The following GNB1 variants were observed in gnomAD, a reference collection of about 807,000 sequenced individuals.
GNB1 encodes G protein subunit beta 1, also known as guanine nucleotide-binding protein G(I)/G(S)/G(T) subunit beta-1.
GNB1 carries 2 observed loss-of-function variants against 42.9 expected under a neutral mutation model. That is an observed-to-expected ratio of 0.05 (90% CI 0.02 to 0.15). The LOEUF is 0.15. GNB1 is among the 10% of genes least tolerant of loss of function. The probability of loss-of-function intolerance (pLI) is 1.00; values close to 1 mark genes in which losing one functional copy is unlikely to be tolerated. For synonymous variants in GNB1, 183 were observed against 174.7 expected (o/e 1.05, Z -0.38); for missense variants, 193 against 462.2 (o/e 0.42, Z 5.34).
chr1:1,801,112 C>A (rs993148952), intron 7 of GNB1, among the ~76,000 whole-genome samples: 8 of 152,240 alleles, frequency 5.3e-5, no homozygotes, highest in Non-Finnish European at 8.8e-5. Flanking sequence ...CTCACTGCAA[C>A]CTCCGCTTCA....
At chr1:1,853,302 G>A (rs1557929554) in intron 1 of GNB1, among the ~76,000 whole-genome samples, 1 of 152,020 alleles carries the variant, frequency 6.6e-6, no homozygotes. Flanking sequence ...CTCCTCCTAC[G>A]GAAAAAATCA....
At chr1:1,818,020 C>T (rs1395759766) in intron 3 of GNB1, 145 bp from the exon 4 acceptor site, 4 of 640,378 alleles carry the variant, frequency 6.2e-6, no homozygotes, top group African/African-American at 1.8e-5. Context: ...CTCCTTGCAT[C>T]TCAACACCCC....
chr1:1,860,712 CAA>C (rs888879848), intron 1 of GNB1, among the ~76,000 whole-genome samples: 1 of 150,076 alleles, frequency 6.7e-6, no homozygotes, highest in African/African-American at 2.5e-5. Flanking sequence ...GACTCTGTCT[CAA>C]AAAAAAAGAG....
chr1:1,888,564 G>T (rs1191164965), intron 1 of GNB1, among the ~76,000 whole-genome samples: 1 of 152,096 alleles, frequency 6.6e-6, no homozygotes. Context: ...CCGGCTGGGC[G>T]CGGTGGCTCA....
intron 8 of GNB1, among the ~76,000 whole-genome samples, chr1:1,792,373 G>A (rs1435618965): frequency 6.6e-6 from 1 of 152,060 alleles, no homozygotes; most frequent in African/African-American, 2.4e-5. Flanking sequence ...AAAAAAAGAA[G>A]AGCAGGTACT....
chr1:1,790,699 G>T lies in GNB1; in HGVS notation c.498-103C>A. On this transcript the variant is annotated intron_variant, in intron 8 of 11. Coordinates refer to ENST00000378609, the MANE Select transcript of GNB1 (RefSeq NM_002074.5). The surrounding 1 kb of genome is among the most constrained non-coding windows in gnomAD (Gnocchi z 5.4). ...TTCAAACCACCCAGGGCCACAGTGA[G>T]CCTCTGCACTGTTACTTTAAAAACG... The T allele has an allele frequency of 1.4e-6, 1 of 700,200 alleles. No individual in the cohort carries two copies. The highest frequency in any genetic ancestry group is 2.5e-6 in the Non-Finnish European group (1 of 392,506). 43.4% of individuals were successfully genotyped at this position (700,200 alleles called of 1,614,324 possible).
chr1:1,808,886 C>A lies in GNB1; in HGVS notation c.204-2348G>T, dbSNP rs180851298. On this transcript the variant is annotated intron_variant, in intron 5 of 11. Transcript: ENST00000378609. ...CTCCAACTCCTGGCCTCAAGTGATC[C>A]GCCCACCTTGGCCTCCCAAAGTGTT... is the stretch of plus-strand genomic sequence containing the variant. 8.0e-4 allele frequency among the ~76,000 whole-genome samples: 121 copies of A among 152,174 alleles called. 1 individual carries two copies. The highest frequency in any genetic ancestry group is 2.7e-3 in the African/African-American group (111 of 41,548).
chr1:1,858,285 T>C (rs1648415306), intron 1 of GNB1, among the ~76,000 whole-genome samples: 1 of 152,260 alleles, frequency 6.6e-6, no homozygotes, highest in African/African-American at 2.4e-5. Context: ...TTGTTTTCAG[T>C]TCATCTGTCG....
intron 1 of GNB1, among the ~76,000 whole-genome samples, chr1:1,850,903 A>G (rs1385002366): frequency 6.6e-6 from 1 of 152,174 alleles, no homozygotes; most frequent in African/African-American, 2.4e-5. Context: ...TCTAGTCTTC[A>G]GTTGGGTTTG....
chr1:1,862,440 C>G (rs1347090432), intron 1 of GNB1, among the ~76,000 whole-genome samples: 1 of 151,984 alleles, frequency 6.6e-6, no homozygotes, highest in Non-Finnish European at 1.5e-5. Context: ...AAGTCTATTA[C>G]CCGGTAGTGT....
chr1:1,820,566 T>A (rs1412275991), intron 3 of GNB1, among the ~76,000 whole-genome samples: 1 of 152,142 alleles, frequency 6.6e-6, no homozygotes, highest in Non-Finnish European at 1.5e-5. Context: ...GAAGTCTTTT[T>A]GTCAATGAAT....
intron 1 of GNB1, among the ~76,000 whole-genome samples, chr1:1,880,389 A>C (rs1396748542): frequency 6.6e-6 from 1 of 151,942 alleles, no homozygotes; most frequent in Non-Finnish European, 1.5e-5. Flanking sequence ...TCACGAGGTC[A>C]GGAGATCGAG....
intron 2 of GNB1, 60 bp from the exon 3 acceptor site, chr1:1,825,559 T>A (rs994589026): frequency 1.4e-5 from 13 of 921,212 alleles, no homozygotes; most frequent in Non-Finnish European, 2.2e-5. Flanking sequence ...ATGAAGCAGG[T>A]GAGAAAAGTA....
Position 1,862,301 on chromosome 1 carries a change from G to A in GNB1, c.-95-23063C>T, listed in dbSNP as rs140985910. Among the ~76,000 whole-genome samples, 12 of 152,254 alleles carry A rather than the reference G, an allele frequency of 7.9e-5. No individual in the cohort carries two copies. The East Asian group carries it at 2.1e-3, about 27-fold the overall frequency. ...TGTACCATGAATTGGAGGATGAAGA[G>A]CCACTAAGTAACTCCTGGGACCTCC... On this transcript the variant is annotated intron_variant, in intron 1 of 11. Coordinates refer to ENST00000378609, the MANE Select transcript of GNB1 (RefSeq NM_002074.5).
At chr1:1,823,894 T>C (rs1570672887) in intron 3 of GNB1, among the ~76,000 whole-genome samples, 2 of 152,288 alleles carry the variant, frequency 1.3e-5, no homozygotes, top group Non-Finnish European at 2.9e-5. Flanking sequence ...TGAGAAGGTG[T>C]CACTTTGTCA....
chr1:1,785,992 T>G lies in GNB1; in HGVS notation c.*1071A>C, dbSNP rs756651439. On this transcript the variant is annotated 3_prime_UTR_variant, in exon 12 of 12. Coordinates refer to ENST00000378609, the MANE Select transcript of GNB1 (RefSeq NM_002074.5). ...GAACACCTAAGGACTGAGTCCCATA[T>G]GCACTTTTGAGCATTTCTACAGCAT... The G allele has an allele frequency of 5.0e-6, 2 of 398,880 alleles. No individual in the cohort carries two copies. Among genetic ancestry groups the G allele is most frequent in the Non-Finnish European group, 4.4e-6 (1 of 226,054 alleles). 24.7% of individuals were successfully genotyped at this position (398,880 alleles called of 1,614,324 possible).
chr1:1,819,653 G>A (rs766411102), intron 3 of GNB1, among the ~76,000 whole-genome samples: 1 of 151,450 alleles, frequency 6.6e-6, no homozygotes, highest in Non-Finnish European at 1.5e-5. Context: ...ACCCTCCCAC[G>A]TCAGCCTCCT....
At chr1:1,813,748 C>T (rs1350770749) in intron 5 of GNB1, among the ~76,000 whole-genome samples, 1 of 152,194 alleles carries the variant, frequency 6.6e-6, no homozygotes, top group Non-Finnish European at 1.5e-5. Context: ...GCCTTGGCCT[C>T]CCAAAGTGCT....
intron 7 of GNB1, among the ~76,000 whole-genome samples, chr1:1,801,922 A>C (rs182536155): frequency 2.6e-5 from 4 of 152,340 alleles, no homozygotes; most frequent in Admixed American, 2.6e-4. Flanking sequence ...GACTGACTAC[A>C]TTAGTATCAG....
Sources: allele counts gnomAD v4.1 joint callset (sites outside exome capture counted in the v4.1 genomes callset), GRCh38; gene constraint gnomAD v4.1.1; non-coding constraint Gnocchi (gnomAD v3.1); transcripts MANE v1.5; gene names NCBI Gene and HGNC (gene_info 2026-07-23, HGNC 2026-07-21).